ITPR1: variants seen among roughly 807,000 people sequenced by gnomAD.
ITPR1 encodes inositol 1,4,5-trisphosphate receptor type 1.
ITPR1 carries 96 observed loss-of-function variants against 318.4 expected under a neutral mutation model. That is an observed-to-expected ratio of 0.30 (90% CI 0.26 to 0.36). The LOEUF (loss-of-function observed/expected upper bound fraction) is 0.36. ITPR1 is among the 10% of genes least tolerant of loss of function. The pLI, the probability that ITPR1 is intolerant of heterozygous loss-of-function variation, is 1.00. For synonymous variants in ITPR1, 1,312 were observed against 1,289.9 expected (o/e 1.02, Z -0.37); for missense variants, 2,440 against 3,460.2 (o/e 0.71, Z 7.40).
At chr3:4,616,303 G>T (rs2092386664) in intron 4 of ITPR1, among the ~76,000 whole-genome samples, 1 of 152,180 alleles carries the variant, frequency 6.6e-6, no homozygotes. Context: ...ACCTCATGAG[G>T]CTTACAGTCT....
intron 42 of ITPR1, among the ~76,000 whole-genome samples, chr3:4,730,253 G>A (rs886150456): frequency 7.7e-5 from 11 of 142,134 alleles, no homozygotes; most frequent in Non-Finnish European, 1.5e-5. Flanking sequence ...TTGCTCTCTG[G>A]TTTTTCTTCC....
At position 4,787,916 on chromosome 3, in the gene ITPR1, A is replaced by G. The variant is rs750613274; in HGVS notation, c.6616-31A>G. 2.6e-6 allele frequency: 4 copies of G among 1,516,852 alleles called. No individual in the cohort carries two copies. The South Asian group carries it at 4.8e-5, about 18-fold the overall frequency. 94.0% of individuals were successfully genotyped at this position (1,516,852 alleles called of 1,614,324 possible). A position where few individuals can be genotyped will look rare whatever the true frequency, so the allele number is the denominator to read the frequency against. On this transcript the variant is annotated intron_variant, in intron 51 of 61. Transcript: ENST00000649015. ...TCTTAGTAAAAGGTTTCAAAGATGA[A>G]TATTTAATCTCATCCACTTTTTCAT...
intron 4 of ITPR1, among the ~76,000 whole-genome samples, chr3:4,524,163 G>A (rs1282028582): frequency 6.6e-6 from 1 of 152,232 alleles, no homozygotes; most frequent in East Asian, 1.9e-4. Flanking sequence ...CTGCACCCAG[G>A]TGAGGGGCCT....
intron 26 of ITPR1, 55 bp downstream of exon 26, chr3:4,681,473 C>T: frequency 8.5e-7 from 1 of 1,174,456 alleles, no homozygotes; most frequent in Non-Finnish European, 1.3e-6. Context: ...CCAGAGCTCT[C>T]AGAGGCCTTC....
At chr3:4,605,709 G>A (rs935627683) in intron 4 of ITPR1, among the ~76,000 whole-genome samples, 7 of 152,170 alleles carry the variant, frequency 4.6e-5, no homozygotes, top group South Asian at 2.1e-4. Context: ...TGCAACTTCT[G>A]TAAATTTGCA....
intron 24 of ITPR1, among the ~76,000 whole-genome samples, chr3:4,679,040 C>T (rs943345555): frequency 6.6e-6 from 1 of 152,144 alleles, no homozygotes; most frequent in Admixed American, 6.5e-5. Context: ...GTAAATGGAA[C>T]AGGCAGGAGA....
intron 4 of ITPR1, among the ~76,000 whole-genome samples, chr3:4,581,040 C>G (rs2089283620): frequency 6.6e-6 from 1 of 152,134 alleles, no homozygotes; most frequent in South Asian, 2.1e-4. Flanking sequence ...TAAACCTGTC[C>G]CGACTCCTCC....
At chr3:4,508,030 G>A (rs919404098) in intron 2 of ITPR1, among the ~76,000 whole-genome samples, 4 of 152,178 alleles carry the variant, frequency 2.6e-5, no homozygotes, top group Non-Finnish European at 5.9e-5. Context: ...ATACAGAGGA[G>A]CTTGGTCATC....
chr3:4,566,928 G>C (rs2087349014), intron 4 of ITPR1, among the ~76,000 whole-genome samples: 2 of 152,168 alleles, frequency 1.3e-5, no homozygotes, highest in African/African-American at 4.8e-5. Flanking sequence ...CTTCCATTCT[G>C]CAGTCTTTCT....
At chr3:4,743,486 C>T (rs76129132) in intron 44 of ITPR1, among the ~76,000 whole-genome samples, 1,550 of 152,286 alleles carry the variant, frequency 0.01, 29 homozygotes, top group Admixed American at 0.046. Context: ...TTTCCCAGTT[C>T]GGGGCAAGAA....
intron 53 of ITPR1, among the ~76,000 whole-genome samples, chr3:4,798,102 A>G (rs2048007447): frequency 6.6e-6 from 1 of 152,238 alleles, no homozygotes; most frequent in Non-Finnish European, 1.5e-5. Context: ...TACTGGTCAC[A>G]TTGATGATAC....
At position 4,733,088 on chromosome 3, in the gene ITPR1, G is replaced by T. The variant is rs1208807121; in HGVS notation, c.5221G>T (p.Gly1741Cys). 16 of 1,612,542 alleles carry T rather than the reference G, an allele frequency of 9.9e-6. No homozygotes were observed. The highest frequency in any genetic ancestry group is 1.3e-5 in the African/African-American group (1 of 75,018). ...ATTTTATTATCCTGTTTGAATTAAG[G>T]GTGAGGCGCTCAGGCAAGTTCTGGT... ...PLRQLEDHKR[G>C]EALRQVLVNR... Residue 1741 changes from glycine to cysteine, a missense_variant and splice_region_variant, in exon 43 of 62, where the codon GGT (glycine) becomes TGT (cysteine). Around this residue, in one of 23 missense-constraint regions of ITPR1, gnomAD observed 166 missense variants for 143.7 expected, o/e 1.16. Transcript: ENST00000649015.
intron 44 of ITPR1, among the ~76,000 whole-genome samples, chr3:4,763,038 C>G (rs776188607): frequency 2.0e-5 from 3 of 152,322 alleles, no homozygotes; most frequent in East Asian, 1.9e-4. Flanking sequence ...GGAATGAGAT[C>G]GTGTCCTTTG....
In ITPR1 at chr3:4,818,179, G is replaced by A. The variant is rs775463557; in HGVS notation, c.7965G>A (p.Leu2655=). ...GGCACTATCTGTGCTTCATCGTCCT[G>A]GTGAAAGTAAAGGACTCCACCGAAT... The part of the protein sequence containing the change: ...NMWHYLCFIV[L]VKVKDSTEYT... Residue 2655 remains leucine, a synonymous_variant, in exon 60 of 62, where the codon CTG becomes CTA. Transcript: ENST00000649015. 1 of 1,603,540 alleles carries A rather than the reference G, an allele frequency of 6.2e-7. No homozygotes were observed. The highest frequency in any genetic ancestry group is 8.5e-7 in the Non-Finnish European group (1 of 1,171,510).
intron 42 of ITPR1, among the ~76,000 whole-genome samples, chr3:4,731,627 C>A (rs1027070321): frequency 6.6e-6 from 1 of 152,198 alleles, no homozygotes; most frequent in African/African-American, 2.4e-5. Context: ...TCCCTGGAAT[C>A]TTTAATTAGC....
chr3:4,500,022 G>T (rs377093943), intron 2 of ITPR1, among the ~76,000 whole-genome samples: 1 of 152,146 alleles, frequency 6.6e-6, no homozygotes, highest in Non-Finnish European at 1.5e-5. Context: ...TAGTTCTCTC[G>T]TCAGTGAGAA....
intron 60 of ITPR1, chr3:4,831,254 G>A (rs1304102125): frequency 4.8e-5 from 15 of 310,494 alleles, no homozygotes; most frequent in South Asian, 2.2e-4. Context: ...GTTTGCCTTC[G>A]CAGGGACTTT....
chr3:4,603,020 T>C lies in ITPR1; in HGVS notation c.164-24743T>C, dbSNP rs2091415198. ...CAATATCTCAATAAAAATGACTACA[T>C]GTAAAAAATGTTCAAGCTTACTGGT... On this transcript the variant is annotated intron_variant, in intron 4 of 61. Coordinates refer to ENST00000649015, the MANE Select transcript of ITPR1 (RefSeq NM_001378452.1). Among the ~76,000 whole-genome samples, 4 of 152,056 alleles carry C rather than the reference T, an allele frequency of 2.6e-5. No homozygotes were observed. The South Asian group carries it at 8.3e-4, about 31-fold the overall frequency.
At chr3:4,544,551 TC>T (rs1247019498) in intron 4 of ITPR1, among the ~76,000 whole-genome samples, 1 of 152,270 alleles carries the variant, frequency 6.6e-6, no homozygotes, top group African/African-American at 2.4e-5. Context: ...GCTAATAGTT[TC>T]TGCTTTTTGT....
Sources: allele counts gnomAD v4.1 joint callset (sites outside exome capture counted in the v4.1 genomes callset), GRCh38; gene constraint gnomAD v4.1.1; regional missense constraint gnomAD v4.1.1; transcripts MANE v1.5; gene names NCBI Gene and HGNC (gene_info 2026-07-23, HGNC 2026-07-21).